The following DIP2B variants were observed in gnomAD, a reference collection of about 807,000 sequenced individuals.
DIP2B encodes the protein disco-interacting protein 2 homolog B.
In DIP2B, 76 loss-of-function variants were observed where a neutral mutation model predicts 198.0. That is an observed-to-expected ratio of 0.38 (90% CI 0.32 to 0.46). The LOEUF is 0.46. DIP2B is among the 20% of genes least tolerant of loss of function. DIP2B has a pLI of 0.99. For missense variants in DIP2B, 1,559 were observed against 1,978.4 expected, an observed-to-expected ratio of 0.79 and a Z score of 4.02; for synonymous variants, 701 against 739.1, an observed-to-expected ratio of 0.95 and a Z score of 0.84.
rs529107311 is a variant in DIP2B at position 50,698,706 on chromosome 12, T to A, written c.2188+239T>A. Among the ~76,000 whole-genome samples, 5 of 152,322 alleles carry A rather than the reference T, an allele frequency of 3.3e-5. No homozygotes were observed. In the South Asian group the frequency reaches 6.2e-4, roughly 19 times the overall value. On this transcript the variant is annotated intron_variant, in intron 18 of 37. Transcript: ENST00000301180. ...TTTCTTTACCTGGAAGGCCAAATAC[T>A]GAGAGATGTTAAAGTTACCTGGTTT...
At position 50,683,252 on chromosome 12, in the gene DIP2B, A is replaced by T. The variant is rs755316157; in HGVS notation, c.1317+4A>T. 6.2e-7 allele frequency: 1 copy of T among 1,605,264 alleles called. No individual in the cohort carries two copies. Among genetic ancestry groups the T allele is most frequent in the Non-Finnish European group, 8.5e-7 (1 of 1,175,890 alleles). On this transcript the variant is annotated splice_donor_region_variant and intron_variant, in intron 10 of 37. Transcript: ENST00000301180. ...AGAGGTACCTCTTACCAGAAAGGTAACATTGCTAAATTTAAGAGGAATGTA... is the reference window on the plus strand; with the variant it reads ...AGAGGTACCTCTTACCAGAAAGGTATCATTGCTAAATTTAAGAGGAATGTA...
At chr12:50,724,399 C>G (rs1318511235) in intron 27 of DIP2B, among the ~76,000 whole-genome samples, 1 of 152,204 alleles carries the variant, frequency 6.6e-6, no homozygotes, top group Non-Finnish European at 1.5e-5. Flanking sequence ...GGGGCAGTCT[C>G]CTTCAAACAT....
intron 14 of DIP2B, among the ~76,000 whole-genome samples, chr12:50,694,509 ATACATACATACATAC>A (rs1565873279): frequency 0.035 from 884 of 25,002 alleles, 15 homozygotes; most frequent in African/African-American, 0.088. Context: ...AAATAAATAC[ATACATACATACATAC>A]ATACATACAT....
chr12:50,670,406 ATGTTTTT>A (rs973116358), intron 4 of DIP2B, among the ~76,000 whole-genome samples: 56 of 151,780 alleles, frequency 3.7e-4, no homozygotes, highest in African/African-American at 1.3e-3. Flanking sequence ...TTTGGCACGT[ATGTTTTT>A]TGTTTTTTGT....
At chr12:50,561,243 T>A (rs1046315613) in intron 1 of DIP2B, among the ~76,000 whole-genome samples, 4 of 152,198 alleles carry the variant, frequency 2.6e-5, no homozygotes, top group African/African-American at 9.6e-5. Context: ...AGGCCATCAT[T>A]TAGAAGGGGA....
intron 1 of DIP2B, among the ~76,000 whole-genome samples, chr12:50,603,179 A>G (rs1022514174): frequency 2.6e-5 from 4 of 151,544 alleles, no homozygotes; most frequent in South Asian, 4.2e-4. Flanking sequence ...AAAAAAAATA[A>G]TAATATTTAA....
chr12:50,676,411 T>C (rs1368652109), intron 7 of DIP2B, among the ~76,000 whole-genome samples: 2 of 152,216 alleles, frequency 1.3e-5, no homozygotes, highest in African/African-American at 2.4e-5. Flanking sequence ...CAACCTGACA[T>C]ATGAGGTTAA....
At chr12:50,534,884 A>G (rs994703079) in intron 1 of DIP2B, among the ~76,000 whole-genome samples, 1 of 152,150 alleles carries the variant, frequency 6.6e-6, no homozygotes, top group Admixed American at 6.6e-5. Flanking sequence ...GAGATGACCT[A>G]TGATTAGATC....
At chr12:50,709,364 G>A (rs1939571129) in intron 22 of DIP2B, among the ~76,000 whole-genome samples, 1 of 152,186 alleles carries the variant, frequency 6.6e-6, no homozygotes, top group Admixed American at 6.5e-5. Context: ...CAGGCGCAGT[G>A]GCTCACGCCT....
At chr12:50,515,095 C>T (rs1461937364) in intron 1 of DIP2B, among the ~76,000 whole-genome samples, 19 of 152,120 alleles carry the variant, frequency 1.2e-4, no homozygotes, top group Admixed American at 2.0e-4. Flanking sequence ...TATTTCTTAC[C>T]TTTGCTTAGT....
At chr12:50,631,164 GC>G (rs1281145011) in intron 2 of DIP2B, among the ~76,000 whole-genome samples, 68 of 151,122 alleles carry the variant, frequency 4.5e-4, no homozygotes, top group Admixed American at 2.0e-4. Flanking sequence ...TCACTCTGTC[GC>G]CCAGGCTGGA....
chr12:50,535,967 C>T (rs143440190), intron 1 of DIP2B, among the ~76,000 whole-genome samples: 10 of 147,418 alleles, frequency 6.8e-5, no homozygotes, highest in Admixed American at 1.4e-4. Flanking sequence ...TTTGTTCTTG[C>T]GATAGTTTAC....
chr12:50,531,003 G>A (rs1958212005), intron 1 of DIP2B, among the ~76,000 whole-genome samples: 1 of 152,134 alleles, frequency 6.6e-6, no homozygotes, highest in Non-Finnish European at 1.5e-5. Context: ...AGCATGTATC[G>A]CTGATAGTGG....
rs1013275555 is a variant in DIP2B, at chr12:50,674,582, G to C, written c.749G>C (p.Gly250Ala). ...IDLPPSGIVK[G>A]MHKGSNRSSL... ...CTGCCCCCCTCGGGGATAGTTAAAGGCATGCACAAAGGATCCAACAGGTCC... is the reference window on the plus strand; with the variant it reads ...CTGCCCCCCTCGGGGATAGTTAAAGCCATGCACAAAGGATCCAACAGGTCC... The change falls in exon 6 of 38, where the codon GGC becomes GCC. Residue 250 changes from glycine to alanine, a missense_variant. Transcript: ENST00000301180. The C allele has an allele frequency of 5.0e-6, 8 of 1,614,040 alleles. No homozygotes were observed. The highest frequency in any genetic ancestry group is 4.0e-5 in the African/African-American group (3 of 74,924).
At chr12:50,730,688 C>G (rs1282775598) in intron 30 of DIP2B, among the ~76,000 whole-genome samples, 2 of 152,194 alleles carry the variant, frequency 1.3e-5, no homozygotes, top group Non-Finnish European at 2.9e-5. Flanking sequence ...TGCCTGGCCA[C>G]TTGAATACTA....
At chr12:50,612,681 G>A (rs1039068528) in intron 1 of DIP2B, among the ~76,000 whole-genome samples, 3 of 152,022 alleles carry the variant, frequency 2.0e-5, no homozygotes, top group East Asian at 1.9e-4. Context: ...TGCCCGCCTC[G>A]GCCCGCCAAA....
chr12:50,691,590 CAG>C (rs1269568896), intron 13 of DIP2B, among the ~76,000 whole-genome samples: 1 of 152,180 alleles, frequency 6.6e-6, no homozygotes, highest in Admixed American at 6.5e-5. Flanking sequence ...CTATTTGCCT[CAG>C]AATGTTCTTT....
At chr12:50,593,762 C>CCT (rs1958847825) in intron 1 of DIP2B, among the ~76,000 whole-genome samples, 1 of 1,034 alleles carries the variant, frequency 9.7e-4, no homozygotes, top group Non-Finnish European at 1.7e-3. Flanking sequence ...CCTCCCCTCC[C>CCT]CTCCCCTCCC....
intron 8 of DIP2B, chr12:50,679,238 T>G (rs1035672267): frequency 6.5e-5 from 13 of 199,116 alleles, no homozygotes; most frequent in Admixed American, 1.6e-4. Context: ...TATTCCATCC[T>G]GCTTCTTGAT....
Sources: allele counts gnomAD v4.1 joint callset (sites outside exome capture counted in the v4.1 genomes callset), GRCh38; gene constraint gnomAD v4.1.1; transcripts MANE v1.5; gene names NCBI Gene and HGNC (gene_info 2026-07-23, HGNC 2026-07-21).